SPTBN4: variants seen among roughly 807,000 people sequenced by gnomAD.
The protein encoded by SPTBN4 is spectrin beta, non-erythrocytic 4.
SPTBN4 carries 96 observed loss-of-function variants against 277.8 expected under a neutral mutation model. The ratio of observed to expected loss-of-function variants is 0.35; its 90% CI spans 0.29 to 0.41. The LOEUF (loss-of-function observed/expected upper bound fraction) is 0.41. Ranked by LOEUF, SPTBN4 falls within the 10% of genes least tolerant of loss-of-function variation. The pLI is 1.00. For missense variants in SPTBN4, 3,006 were observed against 3,595.7 expected (o/e 0.84, Z 4.19); for synonymous variants, 1,481 against 1,580.3 (o/e 0.94, Z 1.49).
chr19:40,474,311 T>C (rs1260726317), intron 2 of SPTBN4, among the ~76,000 whole-genome samples: 2 of 144,828 alleles, frequency 1.4e-5, no homozygotes, highest in Non-Finnish European at 3.1e-5. Context: ...TACTAAACCT[T>C]TGGAGTTTCC....
Position 40,562,353 on chromosome 19 carries a change from A to G in SPTBN4, c.5915+1950A>G, listed in dbSNP as rs577833669. ...GAGACCAGCTTGGCCAATGTGGCGAAACCCCGCCTCTACTAAAAATACAAA... is the reference window on the plus strand; with the variant it reads ...GAGACCAGCTTGGCCAATGTGGCGAGACCCCGCCTCTACTAAAAATACAAA... On this transcript the variant is annotated intron_variant, in intron 27 of 35. Transcript: ENST00000598249. 7.2e-5 allele frequency among the ~76,000 whole-genome samples: 11 copies of G among 151,910 alleles called. No homozygotes were observed. The South Asian group carries it at 2.3e-3, about 32-fold the overall frequency.
chr19:40,502,019 A>C lies in SPTBN4; in HGVS notation c.883A>C (p.Lys295Gln), dbSNP rs768901708. Residue 295 changes from lysine (K) to glutamine (Q), a missense_variant, in exon 8 of 36, where the codon AAG becomes CAG. Lys to Gln is a moderately conservative substitution (Grantham distance 53). Transcript: ENST00000598249. The surrounding 1 kb of genome is among the most constrained non-coding windows in gnomAD (Gnocchi z 4.9). Reference sequence around the variant, plus strand: ...GATGAAGGCTCTGGCTGTGGAGGGGAAGCGTATCGGGAAGGTATAAGGAGC... The same window carrying C: ...GATGAAGGCTCTGGCTGTGGAGGGGCAGCGTATCGGGAAGGTATAAGGAGC... ...SKMKALAVEG[K>Q]RIGKVLDQVL... 6.2e-7 allele frequency: 1 copy of C among 1,614,138 alleles called. No homozygotes were observed. The highest frequency in any genetic ancestry group is 1.1e-5 in the South Asian group (1 of 91,082).
intron 1 of SPTBN4, among the ~76,000 whole-genome samples, chr19:40,470,943 A>T (rs990366639): frequency 3.1e-4 from 46 of 147,964 alleles, no homozygotes; most frequent in African/African-American, 1.1e-3. Context: ...ATTAATGCAA[A>T]TATTCTATCA....
At position 40,512,925 on chromosome 19, in the gene SPTBN4, A is replaced by G. The variant is rs814533; in HGVS notation, c.2136A>G (p.Arg712=). ...TGCAGGGCGAGCTGGGCGGGCGGCG[A>G]GCGTTGCTGCAGCAGGCCCTGCGGT... ...KILQGELGGR[R]ALLQQALRCG... Residue 712 remains arginine (R), a synonymous_variant, in exon 14 of 36, where the codon CGA becomes CGG. Transcript: ENST00000598249. 189,900 of 1,424,256 alleles carry G rather than the reference A, an allele frequency of 0.13. 16,119 individuals carry two copies. Among genetic ancestry groups the G allele is most frequent in the African/African-American group, 0.43 (28,319 of 66,126 alleles). 88.2% of individuals were successfully genotyped at this position (1,424,256 alleles called of 1,614,324 possible).
At chr19:40,565,296 G>GAAAAT in intron 27 of SPTBN4, 127 bp from the exon 28 acceptor site, 3 of 1,111,828 alleles carry the variant, frequency 2.7e-6, no homozygotes, top group Non-Finnish European at 3.8e-6. Context: ...GAAAAGAAAA[G>GAAAAT]AAAGTAAGTG....
At chr19:40,530,486 C>T (rs1440725899) in intron 18 of SPTBN4, 5 of 979,760 alleles carry the variant, frequency 5.1e-6, no homozygotes, top group Non-Finnish European at 6.0e-6. Flanking sequence ...CGCGCGGCCG[C>T]CGGAGCCTCA....
chr19:40,494,767 CATCT>C, intron 5 of SPTBN4, 126 bp from the exon 6 acceptor site: 1 of 755,460 alleles, frequency 1.3e-6, no homozygotes, highest in Non-Finnish European at 2.2e-6. Flanking sequence ...CCCATCCATC[CATCT>C]TTCTATGTTC....
chr19:40,565,949 G>A (rs1325124941), intron 29 of SPTBN4, among the ~76,000 whole-genome samples: 1 of 152,126 alleles, frequency 6.6e-6, no homozygotes. Flanking sequence ...TAAAGTCCTG[G>A]GTGGGGGGAC....
Position 40,549,218 on chromosome 19 carries a change from C to T in SPTBN4, c.4389C>T (p.Tyr1463=), listed in dbSNP as rs1367965752. The change falls in exon 21 of 36, where the codon TAC becomes TAT. Residue 1463 remains tyrosine (Y), a synonymous_variant. Coordinates refer to ENST00000598249, the MANE Select transcript of SPTBN4 (RefSeq NM_020971.3). Reference sequence around the variant, plus strand: ...TGGAGTCGCAGGTGGAGGAGTGGTACCGCGAGGTGGGAGAGCTGCAGGCGC... The same window carrying T: ...TGGAGTCGCAGGTGGAGGAGTGGTATCGCGAGGTGGGAGAGCTGCAGGCGC... The part of the protein sequence containing the change: ...QSMESQVEEW[Y]REVGELQAQT... 5.2e-6 allele frequency: 8 copies of T among 1,547,678 alleles called. No homozygotes were observed. Among genetic ancestry groups the T allele is most frequent in the African/African-American group, 1.4e-5 (1 of 72,980 alleles).
Position 40,557,199 on chromosome 19 carries a change from C to T in SPTBN4, c.5466C>T (p.Leu1822=). The T allele has an allele frequency of 6.2e-7, 1 of 1,610,932 alleles. No individual in the cohort carries two copies. The highest frequency in any genetic ancestry group is 8.5e-7 in the Non-Finnish European group (1 of 1,177,776). Residue 1822 remains leucine, a synonymous_variant, in exon 26 of 36, where the codon CTC becomes CTT. Transcript: ENST00000598249. ...AGGCCTGGGCTGAGCTGCTGGAGCT[C>T]ATGGGCACACGGGCCCAGCTGCTGG... ...LNEAWAELLE[L]MGTRAQLLAA... is the part of the protein sequence containing the mutation.
In SPTBN4 at chr19:40,570,674, A is replaced by C; in HGVS notation, c.7265A>C (p.Glu2422Ala). 1 of 1,604,636 alleles carries C rather than the reference A, an allele frequency of 6.2e-7. No individual in the cohort carries two copies. Among genetic ancestry groups the C allele is most frequent in the East Asian group, 2.3e-5 (1 of 44,150 alleles). The part of the protein sequence containing the change: ...PPPPTHTVQH[E>A]GFLLRKRELD... ...CCGCCCACTCACACAGTGCAGCACG[A>C]GGGCTTCCTACTGCGCAAGCGCGAG... The change falls in exon 33 of 36, where the codon GAG (glutamate) becomes GCG (alanine). Residue 2422 changes from glutamate to alanine, a missense_variant. This residue lies in a region of SPTBN4 where 630 missense variants were observed against 677.6 expected (regional missense o/e 0.93). Coordinates refer to ENST00000598249, the MANE Select transcript of SPTBN4 (RefSeq NM_020971.3).
intron 30 of SPTBN4, among the ~76,000 whole-genome samples, chr19:40,567,362 T>TG (rs2081104908): frequency 1.3e-5 from 2 of 151,236 alleles, no homozygotes; most frequent in Admixed American, 6.6e-5. Flanking sequence ...AAGTCCTGGG[T>TG]GGGGGGACAT....
intron 22 of SPTBN4, among the ~76,000 whole-genome samples, chr19:40,552,314 G>T (rs772075827): frequency 3.9e-5 from 6 of 151,904 alleles, no homozygotes; most frequent in Non-Finnish European, 8.8e-5. Context: ...AATTAGCCGG[G>T]CGAGGTGTCG....
intron 3 of SPTBN4, 107 bp downstream of exon 3, chr19:40,487,955 C>A: frequency 7.8e-7 from 1 of 1,287,558 alleles, no homozygotes; most frequent in African/African-American, 1.5e-5. Context: ...GGCTCATGGG[C>A]GAGTGGAACG....
Position 40,502,006 on chromosome 19 carries a change from G to A in SPTBN4, c.870G>A (p.Leu290=). ...FYHYFSKMKA[L]AVEGKRIGKV... is the part of the protein sequence containing the mutation. ...ACTATTTCTCCAAGATGAAGGCTCT[G>A]GCTGTGGAGGGGAAGCGTATCGGGA... The change falls in exon 8 of 36, where the codon CTG becomes CTA. Residue 290 remains leucine, a synonymous_variant. Transcript: ENST00000598249. The surrounding 1 kb of genome is among the most constrained non-coding windows in gnomAD (Gnocchi z 4.9). The A allele has an allele frequency of 6.2e-7, 1 of 1,614,260 alleles. No homozygotes were observed. Among genetic ancestry groups the A allele is most frequent in the Non-Finnish European group, 8.5e-7 (1 of 1,180,040 alleles).
Position 40,567,646 on chromosome 19 carries a change from G to T in SPTBN4, c.6337-17G>T. The T allele has an allele frequency of 6.8e-7, 1 of 1,473,622 alleles. No individual in the cohort carries two copies. Among genetic ancestry groups the T allele is most frequent in the South Asian group, 1.3e-5 (1 of 74,772 alleles). 91.3% of individuals were successfully genotyped at this position (1,473,622 alleles called of 1,614,324 possible). A position where few individuals can be genotyped will look rare whatever the true frequency, so the allele number is the denominator to read the frequency against. ...GGCCCCACGCCTCCAACCTAACCCT[G>T]GTCCCTCCATCCTCAGATCGAGAAA... On this transcript the variant is annotated splice_polypyrimidine_tract_variant and intron_variant, in intron 30 of 35. Coordinates refer to ENST00000598249, the MANE Select transcript of SPTBN4 (RefSeq NM_020971.3).
chr19:40,467,563 C>T (rs1177354908), intron 1 of SPTBN4, among the ~76,000 whole-genome samples: 1 of 149,838 alleles, frequency 6.7e-6, no homozygotes, highest in African/African-American at 2.5e-5. Flanking sequence ...GAGAGAGGCG[C>T]GGCCTGGGAA....
Position 40,503,850 on chromosome 19 carries a change from G to A in SPTBN4, c.1383G>A (p.Leu461=), listed in dbSNP as rs778898209. 1 of 1,594,956 alleles carries A rather than the reference G, an allele frequency of 6.3e-7. No individual in the cohort carries two copies. The highest frequency in any genetic ancestry group is 1.1e-5 in the South Asian group (1 of 88,592). ...LVSQDNFGYE[L]PAVEAAMKKH... ...CCCAGGACAACTTTGGGTATGAGCT[G>A]CCCGCAGTGGAGGCAGCCATGAAGA... The change falls in exon 12 of 36, where the codon CTG becomes CTA. Residue 461 remains leucine, a synonymous_variant. Transcript: ENST00000598249.
At chr19:40,555,335 T>TA (rs989683595) in intron 24 of SPTBN4, 2 of 151,136 alleles carry the variant, frequency 1.3e-5, no homozygotes, top group Non-Finnish European at 2.9e-5. Flanking sequence ...CTACTAAAAA[T>TA]AAAAAATTAG....
Sources: allele counts gnomAD v4.1 joint callset (sites outside exome capture counted in the v4.1 genomes callset), GRCh38; gene constraint gnomAD v4.1.1; regional missense constraint gnomAD v4.1.1; non-coding constraint Gnocchi (gnomAD v3.1); transcripts MANE v1.5; gene names NCBI Gene and HGNC (gene_info 2026-07-23, HGNC 2026-07-21).